The following ARMCX4 variants were observed in gnomAD, a reference collection of about 807,000 sequenced individuals.
ARMCX4 encodes the protein armadillo repeat-containing X-linked protein 4.
ARMCX4 carries 3 observed loss-of-function variants against 34.7 expected under a neutral mutation model. The observed-to-expected ratio is 0.09, with a 90% confidence interval of 0.04 to 0.22. The LOEUF (loss-of-function observed/expected upper bound fraction) is 0.22, where lower values mean the gene tolerates loss of function less well. Among genes scored for constraint, ARMCX4 ranks in the 10% least tolerant of loss-of-function variants. The probability of loss-of-function intolerance (pLI) is 1.00; values close to 1 mark genes in which losing one functional copy is unlikely to be tolerated. For missense variants in ARMCX4, 1,448 were observed against 1,720.8 expected (o/e 0.84, Z 2.81); for synonymous variants, 513 against 632.8 (o/e 0.81, Z 2.84).
intron 4 of ARMCX4, among the ~76,000 whole-genome samples, chrX:101,468,441 G>A (rs781979237): frequency 1.8e-5 from 2 of 108,370 alleles, no homozygotes; most frequent in African/African-American, 3.4e-5. Flanking sequence ...ATAGGCACGC[G>A]CCACCATGCC....
At chrX:101,503,366 C>T (rs1231409549) in intron 7 of ARMCX4, among the ~76,000 whole-genome samples, 2 of 111,577 alleles carry the variant, frequency 1.8e-5, no homozygotes, top group Non-Finnish European at 3.8e-5. Flanking sequence ...GCCACACTGA[C>T]TTCCACAATG....
chrX:101,500,476 C>A (rs1275012658), downstream of ARMCX4, among the ~76,000 whole-genome samples: 3 of 110,938 alleles, frequency 2.7e-5, no homozygotes, highest in Non-Finnish European at 5.7e-5. Flanking sequence ...CCTTTGAAGA[C>A]CTAGAGAATG....
chrX:101,484,218 C>G (rs1933591810), upstream of ARMCX4, among the ~76,000 whole-genome samples: 1 of 111,580 alleles, frequency 9.0e-6, no homozygotes, highest in Non-Finnish European at 1.9e-5. Flanking sequence ...ACCACCATCT[C>G]CACTGGAAAA....
chrX:101,511,461 C>T (rs995339183), intron 11 of ARMCX4, among the ~76,000 whole-genome samples: 15 of 110,615 alleles, frequency 1.4e-4, no homozygotes, highest in Admixed American at 1.9e-4. Flanking sequence ...TCTTCTGTTT[C>T]ATGTATTGTC....
At chrX:101,425,630 G>A (rs782447458) in intron 2 of ARMCX4, among the ~76,000 whole-genome samples, 1 of 109,889 alleles carries the variant, frequency 9.1e-6, no homozygotes, top group Non-Finnish European at 1.9e-5. Context: ...CCTTACCTCA[G>A]GTGATCCGCC....
rs1277476431 is a variant in ARMCX4 at position 101,494,682 on chromosome X, C to T, written c.6093C>T (p.Arg2031=). ...TGEKTRPWSC[R]CKHEANMDPR... Reference sequence around the variant, plus strand: ...AAAAAACTCGGCCCTGGTCTTGCCGCTGTAAACACGAAGCTAATATGGATC... The same window carrying T: ...AAAAAACTCGGCCCTGGTCTTGCCGTTGTAAACACGAAGCTAATATGGATC... The change falls in exon 6 of 6, where the codon CGC becomes CGT. Residue 2031 remains arginine (R), a synonymous_variant. Transcript: ENST00000423738. 8.7e-7 allele frequency: 1 copy of T among 1,154,119 alleles called. No individual in the cohort carries two copies. Among genetic ancestry groups the T allele is most frequent in the Non-Finnish European group, 1.1e-6 (1 of 872,678 alleles).
At chrX:101,458,782 C>T (rs781948649) in intron 4 of ARMCX4, among the ~76,000 whole-genome samples, 33 of 111,687 alleles carry the variant, frequency 3.0e-4, no homozygotes, top group Non-Finnish European at 4.9e-4. Context: ...CCACTGTGCC[C>T]GGCTCAATAT....
chrX:101,433,278 ACG>A (rs1325458692), intron 2 of ARMCX4, among the ~76,000 whole-genome samples: 1 of 108,848 alleles, frequency 9.2e-6, no homozygotes, highest in East Asian at 2.9e-4. Context: ...GTACACATGT[ACG>A]TACACATATA....
At chrX:101,458,899 A>T (rs1392905141) in intron 4 of ARMCX4, among the ~76,000 whole-genome samples, 1 of 112,219 alleles carries the variant, frequency 8.9e-6, no homozygotes, top group Non-Finnish European at 1.9e-5. Context: ...TTAAAATTAA[A>T]ATGGAATGGG....
intron 2 of ARMCX4, among the ~76,000 whole-genome samples, chrX:101,433,253 CAT>C (rs1347095792): frequency 6.7e-5 from 2 of 29,998 alleles, no homozygotes; most frequent in African/African-American, 1.5e-4. Context: ...TATATACACA[CAT>C]ATATACATAT....
At chrX:101,514,259 G>C (rs146602426) in intron 11 of ARMCX4, among the ~76,000 whole-genome samples, 69 of 111,186 alleles carry the variant, frequency 6.2e-4, no homozygotes, top group Admixed American at 3.4e-3. Context: ...GGGTGATAGA[G>C]AGTGATGCCA....
At chrX:101,496,559 T>C (rs1209106363), downstream of ARMCX4, among the ~76,000 whole-genome samples, 1 of 111,907 alleles carries the variant, frequency 8.9e-6, no homozygotes, top group African/African-American at 3.2e-5. Flanking sequence ...AAAAGTGTCC[T>C]CTTTGCCAAT....
At chrX:101,454,270 C>A (rs1345912146) in intron 4 of ARMCX4, among the ~76,000 whole-genome samples, 6 of 100,641 alleles carry the variant, frequency 6.0e-5, no homozygotes, top group East Asian at 3.1e-4. Context: ...TGGCCAATTT[C>A]TTTTTTTTTT....
chrX:101,495,614 C>A lies in ARMCX4; in HGVS notation c.*152C>A. The A allele has an allele frequency of 2.0e-6, 1 of 489,316 alleles. No homozygotes were observed. The highest frequency in any genetic ancestry group is 3.1e-6 in the Non-Finnish European group (1 of 327,047). 40.3% of individuals were successfully genotyped at this position (489,316 alleles called of 1,213,427 possible). On this transcript the variant is annotated 3_prime_UTR_variant, in exon 6 of 6. Coordinates refer to ENST00000423738, the MANE Select transcript of ARMCX4 (RefSeq NM_001256155.3). ...TTTATGAACACCAAATGAATTCAAG[C>A]TTGTACTAAAAATACATGTGTTGAT...
chrX:101,434,086 C>T (rs1555993478), intron 2 of ARMCX4, among the ~76,000 whole-genome samples: 1 of 107,950 alleles, frequency 9.3e-6, no homozygotes, highest in Non-Finnish European at 1.9e-5. Context: ...GCTGGGACCA[C>T]AGGCACATGC....
chrX:101,493,278 G>A lies in ARMCX4; in HGVS notation c.4689G>A (p.Gly1563=). The change falls in exon 6 of 6, where the codon GGG becomes GGA. Residue 1563 remains glycine (G), a synonymous_variant. Coordinates refer to ENST00000423738, the MANE Select transcript of ARMCX4 (RefSeq NM_001256155.3). Reference sequence around the variant, plus strand: ...GTGGAAGCTGCTGGACTGGGGCTGGGGCTGTGGATCAGGCTGGTGGTTGTT... The same window carrying A: ...GTGGAAGCTGCTGGACTGGGGCTGGAGCTGTGGATCAGGCTGGTGGTTGTT... The part of the protein sequence containing the change: ...QVSGSCWTGA[G]AVDQAGGCSK... 1.7e-6 allele frequency: 2 copies of A among 1,156,242 alleles called. No homozygotes were observed. Among genetic ancestry groups the A allele is most frequent in the Middle Eastern group, 2.3e-4 (1 of 4,303 alleles).
At chrX:101,429,726 C>T (rs1792167873) in intron 2 of ARMCX4, among the ~76,000 whole-genome samples, 1 of 111,146 alleles carries the variant, frequency 9.0e-6, no homozygotes, top group South Asian at 3.9e-4. Context: ...TTCTTATTTC[C>T]CAAGACTGTG....
At chrX:101,477,430 CAAAAAAAAAAAAAAAAA>C (rs1156582627) in intron 4 of ARMCX4, among the ~76,000 whole-genome samples, 3 of 12,496 alleles carry the variant, frequency 2.4e-4, no homozygotes, top group Non-Finnish European at 3.8e-4. Flanking sequence ...GACTCTGTCT[CAAAAAAAAAAAAAAAAA>C]AAAAAAAAAA....
chrX:101,420,232 G>T (rs903384385), intron 2 of ARMCX4, among the ~76,000 whole-genome samples: 1 of 111,563 alleles, frequency 9.0e-6, no homozygotes. Context: ...GGTGGTGTGC[G>T]CCTGTAATCC....
Sources: allele counts gnomAD v4.1 joint callset (sites outside exome capture counted in the v4.1 genomes callset), GRCh38; gene constraint gnomAD v4.1.1; transcripts MANE v1.5; gene names NCBI Gene and HGNC (gene_info 2026-07-23, HGNC 2026-07-21).